SRFBP1: variants seen among roughly 807,000 people sequenced by gnomAD.
SRFBP1 encodes serum response factor binding protein 1, also known as serum response factor-binding protein 1.
SRFBP1 carries 47 observed loss-of-function variants against 45.5 expected under a neutral mutation model. The ratio of observed to expected loss-of-function variants is 1.03; its 90% CI spans 0.82 to 1.32. The LOEUF is 1.32. Among genes scored for constraint, SRFBP1 ranks in the 40% most tolerant of loss-of-function variants. The probability of loss-of-function intolerance (pLI) is 0.00; values close to 1 mark genes in which losing one functional copy is unlikely to be tolerated. For missense variants in SRFBP1, 621 were observed against 484.6 expected (o/e 1.28, Z -2.64); for synonymous variants, 203 against 166.3 (o/e 1.22, Z -1.70).
chr5:122,077,011 A>G (rs372387691), downstream of SRFBP1: 24 of 1,612,320 alleles, frequency 1.5e-5, 1 homozygote, highest in Non-Finnish European at 2.0e-5. The surrounding 1 kb of genome is among the most constrained non-coding windows in gnomAD (Gnocchi z 4.9). Flanking sequence ...CCTAAACGTC[A>G]GCAGGCGACG....
At chr5:122,001,989 AG>A (rs1240524235) in intron 4 of SRFBP1, among the ~76,000 whole-genome samples, 1 of 152,250 alleles carries the variant, frequency 6.6e-6, no homozygotes, top group Non-Finnish European at 1.5e-5. Flanking sequence ...TGTAAGAAAA[AG>A]ATTTAAAAAT....
chr5:121,999,723 A>T (rs1481315847), intron 4 of SRFBP1, among the ~76,000 whole-genome samples: 1 of 151,994 alleles, frequency 6.6e-6, no homozygotes, highest in Non-Finnish European at 1.5e-5. Flanking sequence ...ATTGTGCTGA[A>T]GTCTATCTTG....
At chr5:122,041,049 G>T (rs190417647) in intron 2 of SRFBP1, among the ~76,000 whole-genome samples, 2 of 152,246 alleles carry the variant, frequency 1.3e-5, no homozygotes, top group African/African-American at 2.4e-5. Flanking sequence ...TAAGTGCTCA[G>T]TTAAATATTT....
chr5:122,034,809 C>T (rs2112724068), intron 2 of SRFBP1, among the ~76,000 whole-genome samples: 1 of 150,832 alleles, frequency 6.6e-6, no homozygotes. Context: ...ATTTTTTGAG[C>T]TCTTGATGTT....
intron 2 of SRFBP1, among the ~76,000 whole-genome samples, chr5:122,049,467 C>T (rs374120335): frequency 3.3e-5 from 5 of 152,018 alleles, no homozygotes; most frequent in African/African-American, 9.7e-5. Flanking sequence ...GACAGATCAA[C>T]GAGACAGAAA....
chr5:121,979,999 A>G lies in SRFBP1; in HGVS notation c.198+4612A>G, dbSNP rs147112976. Among the ~76,000 whole-genome samples, 1,267 of 152,254 alleles carry G rather than the reference A, an allele frequency of 8.3e-3. 19 individuals carry two copies. Among genetic ancestry groups the G allele is most frequent in the African/African-American group, 0.029 (1,199 of 41,534 alleles). On this transcript the variant is annotated intron_variant, in intron 3 of 7. Transcript: ENST00000339397. ...ACCCTCCTCCTAACAAAAACTCATT[A>G]TCCTATCTACCAGAGGGACTGCTTA...
At chr5:122,035,294 G>C (rs899817365) in intron 2 of SRFBP1, among the ~76,000 whole-genome samples, 2 of 152,136 alleles carry the variant, frequency 1.3e-5, no homozygotes, top group African/African-American at 4.8e-5. Flanking sequence ...TCTTTCTCCT[G>C]AGTGTCCAGT....
chr5:122,055,249 A>G (rs1754059153), intron 2 of SRFBP1, among the ~76,000 whole-genome samples: 2 of 152,136 alleles, frequency 1.3e-5, no homozygotes, highest in Admixed American at 1.3e-4. Flanking sequence ...CTTGGACCTC[A>G]TTTATAAAGG....
chr5:122,039,515 C>T (rs2112728415), intron 2 of SRFBP1, among the ~76,000 whole-genome samples: 1 of 152,266 alleles, frequency 6.6e-6, no homozygotes, highest in South Asian at 2.1e-4. Flanking sequence ...TAGGCAAATT[C>T]TGGCCAGTGG....
intron 2 of SRFBP1, among the ~76,000 whole-genome samples, chr5:122,038,655 C>G (rs948812190): frequency 6.6e-6 from 1 of 152,158 alleles, no homozygotes; most frequent in Non-Finnish European, 1.5e-5. Flanking sequence ...ACATGATAGC[C>G]TTTAAGGCAT....
rs1486672722 is a variant in SRFBP1 at position 121,962,083 on chromosome 5, A to T, written c.36+15A>T. The T allele has an allele frequency of 6.2e-7, 1 of 1,613,510 alleles. No individual in the cohort carries two copies. The highest frequency in any genetic ancestry group is 8.5e-7 in the Non-Finnish European group (1 of 1,179,886). ...TCAATAACGAGGTGAGCGCCGAGGA[A>T]CCTATGGGGCTGACTTTAAGGGTCC... is the stretch of plus-strand genomic sequence containing the variant. On this transcript the variant is annotated intron_variant, in intron 1 of 7. Coordinates refer to ENST00000339397, the MANE Select transcript of SRFBP1 (RefSeq NM_152546.3).
At chr5:122,066,042 G>T (rs987886431) in intron 2 of SRFBP1, 2 of 151,976 alleles carry the variant, frequency 1.3e-5, no homozygotes, top group African/African-American at 2.4e-5. Context: ...ACAGGATTGG[G>T]CAGCTCCCTT....
In SRFBP1 at chr5:122,012,606, C is replaced by G. The variant is rs1338791255; in HGVS notation, c.271-6654C>G. Among the ~76,000 whole-genome samples the G allele has an allele frequency of 1.1e-4, 17 of 151,964 alleles. No homozygotes were observed. In the East Asian group the frequency reaches 3.3e-3, roughly 29 times the overall value. ...ACTAACATGTCATCAAGACGAAATA[C>G]AAATTAGTTAAAAATAGCTGGCAGC... On this transcript the variant is annotated intron_variant, in intron 4 of 7. Coordinates refer to ENST00000339397, the MANE Select transcript of SRFBP1 (RefSeq NM_152546.3).
chr5:121,965,680 T>C (rs1182771862), intron 1 of SRFBP1, among the ~76,000 whole-genome samples: 1 of 152,218 alleles, frequency 6.6e-6, no homozygotes, highest in African/African-American at 2.4e-5. Flanking sequence ...CAGGCTCTTT[T>C]TTGATTCCAT....
At position 121,975,748 on chromosome 5, in the gene SRFBP1, T is replaced by C. The variant is rs189405784; in HGVS notation, c.198+361T>C. Among the ~76,000 whole-genome samples, 23 of 152,142 alleles carry C rather than the reference T, an allele frequency of 1.5e-4. 1 individual carries two copies. In the East Asian group the frequency reaches 3.9e-3, roughly 26 times the overall value. ...TGCTATTTGGGAATGTGGATGGTGA[T>C]ATTGGTGGCTGACATCATGCTTTCC... On this transcript the variant is annotated intron_variant, in intron 3 of 7. Coordinates refer to ENST00000339397, the MANE Select transcript of SRFBP1 (RefSeq NM_152546.3).
intron 2 of SRFBP1, among the ~76,000 whole-genome samples, chr5:122,049,404 T>G (rs1753926315): frequency 6.6e-6 from 1 of 152,224 alleles, no homozygotes; most frequent in South Asian, 2.1e-4. Flanking sequence ...GAAAGTGACT[T>G]AGACTCCCAC....
chr5:122,059,147 A>G (rs1354653131), intron 2 of SRFBP1, among the ~76,000 whole-genome samples: 1 of 152,102 alleles, frequency 6.6e-6, no homozygotes, highest in Admixed American at 6.6e-5. Context: ...GTATTCCCCC[A>G]GAGAAAATGG....
At chr5:122,001,729 T>G (rs1282125967) in intron 4 of SRFBP1, among the ~76,000 whole-genome samples, 1 of 151,608 alleles carries the variant, frequency 6.6e-6, no homozygotes, top group African/African-American at 2.4e-5. Context: ...GCCCGGCTAA[T>G]TTTTTGTATT....
At position 122,037,219 on chromosome 5, in the gene SRFBP1, T is replaced by C. The variant is rs139996703; in HGVS notation, n.311+14812T>C. On this transcript the variant is annotated intron_variant and non_coding_transcript_variant, in intron 2 of 2. Coordinates refer to the SRFBP1 transcript ENST00000504881. ...AGCCTCCTGTGAGTCTAGTGAATCATTGAGCCTCAGGGTGGTCTTAGGGAC... is the reference window on the plus strand; with the variant it reads ...AGCCTCCTGTGAGTCTAGTGAATCACTGAGCCTCAGGGTGGTCTTAGGGAC... 2.5e-3 allele frequency among the ~76,000 whole-genome samples: 380 copies of C among 152,312 alleles called. 3 individuals carry two copies. Among genetic ancestry groups the C allele is most frequent in the African/African-American group, 8.5e-3 (355 of 41,580 alleles).
Sources: gnomAD v4.1 joint callset for allele counts (sites outside exome capture counted in the v4.1 genomes callset) on GRCh38, gnomAD v4.1.1 for gene constraint, Gnocchi (gnomAD v3.1) non-coding constraint, MANE v1.5 for transcripts, NCBI Gene and HGNC (gene_info 2026-07-23, HGNC 2026-07-21) for gene names.